The following PRKAR1A variants were observed in gnomAD, a reference collection of about 807,000 sequenced individuals.
PRKAR1A encodes the protein cAMP-dependent protein kinase type I-alpha regulatory subunit.
PRKAR1A carries 3 observed loss-of-function variants against 52.0 expected under a neutral mutation model. The ratio of observed to expected loss-of-function variants is 0.06; its 90% CI spans 0.03 to 0.15. The LOEUF (loss-of-function observed/expected upper bound fraction) is 0.15, where lower values mean the gene tolerates loss of function less well. Ranked by LOEUF, PRKAR1A falls within the 10% of genes least tolerant of loss-of-function variation. PRKAR1A has a pLI of 1.00. For missense variants in PRKAR1A, 240 were observed against 477.4 expected, an observed-to-expected ratio of 0.50 and a Z score of 4.63; for synonymous variants, 188 against 168.4, an observed-to-expected ratio of 1.12 and a Z score of -0.90.
the PRKAR1A span, chr17:68,426,252 G>GGGGGGGGGGGGGGA: frequency 1.2e-6 from 1 of 828,188 alleles, no homozygotes; most frequent in Non-Finnish European, 1.9e-6. Flanking sequence ...TGGGGAGCGG[G>GGGGGGGGGGGGGGA]GGCTCAAATA....
chr17:68,435,560 G>A, the PRKAR1A span: 4 of 1,532,330 alleles, frequency 2.6e-6, no homozygotes, highest in Non-Finnish European at 3.6e-6. Flanking sequence ...TCCCATCCCT[G>A]CGCACGGCAG....
intron 2 of PRKAR1A, chr17:68,515,909 T>A (rs1459054392): frequency 3.9e-6 from 1 of 254,506 alleles, no homozygotes; most frequent in African/African-American, 2.3e-5. Context: ...AATAAGAAAT[T>A]CTATAGTTCT....
chr17:68,537,716 G>A (rs749033941), downstream of PRKAR1A: 11 of 1,612,938 alleles, frequency 6.8e-6, no homozygotes, highest in South Asian at 1.1e-4. This position sits in a 1 kb window ranked among gnomAD's most constrained non-coding sequence, Gnocchi z 4.2. Context: ...AGCAGCTGCA[G>A]GTGCAAAAGT....
chr17:68,540,963 G>C, intron 11 of PRKAR1A: 1 of 1,578,342 alleles, frequency 6.3e-7, no homozygotes, highest in Non-Finnish European at 8.6e-7. Context: ...TCCCACCTGA[G>C]GGGGAGAAGA....
At chr17:68,525,559 A>G (rs1328654866) in intron 6 of PRKAR1A, among the ~76,000 whole-genome samples, 195 bp from the exon 7 acceptor site, 1 of 152,200 alleles carries the variant, frequency 6.6e-6, no homozygotes, top group African/African-American at 2.4e-5. Flanking sequence ...TAAATCAGGT[A>G]AATTATAGAC....
rs140168612 is a variant in PRKAR1A, at chr17:68,526,889, C to T, written c.709-951C>T. On this transcript the variant is annotated intron_variant, in intron 7 of 10. Coordinates refer to ENST00000589228, the MANE Select transcript of PRKAR1A (RefSeq NM_002734.5). ...TGTGACACCCAGTTTACCTATATAA[C>T]CTGCACATGTACCCCTGAACCTTAA... Among the ~76,000 whole-genome samples the T allele has an allele frequency of 2.4e-4, 36 of 152,254 alleles. 1 individual carries two copies. Among genetic ancestry groups the T allele is most frequent in the Middle Eastern group, 3.4e-3 (1 of 294 alleles).
At chr17:68,437,734 A>G in the PRKAR1A span, among the ~76,000 whole-genome samples, 8 of 152,080 alleles carry the variant, frequency 5.3e-5, no homozygotes, top group Admixed American at 2.6e-4. Flanking sequence ...CTTCAATAAT[A>G]TTCCGGAAGA....
the PRKAR1A span, among the ~76,000 whole-genome samples, chr17:68,498,577 C>T: frequency 6.6e-6 from 1 of 152,138 alleles, no homozygotes; most frequent in Non-Finnish European, 1.5e-5. Context: ...GGTGCTCCTG[C>T]CTTTGAGAAA....
chr17:68,517,542 C>T (rs1366278051), intron 2 of PRKAR1A, among the ~76,000 whole-genome samples: 2 of 152,128 alleles, frequency 1.3e-5, no homozygotes, highest in Non-Finnish European at 2.9e-5. Flanking sequence ...CTTATGAAAC[C>T]GTCAGCTATC....
the PRKAR1A span, chr17:68,426,236 G>A: frequency 3.3e-6 from 4 of 1,228,378 alleles, no homozygotes; most frequent in Non-Finnish European, 4.7e-6. Context: ...GCCATGACCT[G>A]GCGGGTGGGG....
At chr17:68,479,113 T>C in the PRKAR1A span, among the ~76,000 whole-genome samples, 7 of 152,234 alleles carry the variant, frequency 4.6e-5, no homozygotes, top group African/African-American at 1.7e-4. Context: ...CACATTCTCT[T>C]TTTGTCCAGT....
the PRKAR1A span, among the ~76,000 whole-genome samples, chr17:68,459,850 A>AT: frequency 0.25 from 36,753 of 147,226 alleles, 5,033 homozygotes; most frequent in Non-Finnish European, 0.32. Flanking sequence ...TCAGGTTTTA[A>AT]TTTTTTTTTT....
intron 1 of PRKAR1A, chr17:68,512,920 C>G (rs1312245139): frequency 1.3e-5 from 2 of 152,328 alleles, no homozygotes; most frequent in South Asian, 4.1e-4. Flanking sequence ...GACAACGGCT[C>G]TATTTTACTG....
chr17:68,525,754 G>A lies in PRKAR1A; in HGVS notation c.550G>A (p.Val184Ile), dbSNP rs773162575. ...FYVIDQGETD[V>I]YVNNEWATSV... ...TTTTTTGATGTCACTTGCACTTTAG[G>A]TCTATGTTAACAATGAATGGGCAAC... is the stretch of plus-strand genomic sequence containing the variant. Residue 184 changes from valine (V) to isoleucine (I), a missense_variant and splice_region_variant, in exon 7 of 11, where the codon GTC becomes ATC. Physicochemically the swap from Val to Ile is conservative, Grantham distance 29. Transcript: ENST00000589228. 1 of 1,613,722 alleles carries A rather than the reference G, an allele frequency of 6.2e-7. No homozygotes were observed. The highest frequency in any genetic ancestry group is 8.5e-7 in the Non-Finnish European group (1 of 1,179,824).
intron 11 of PRKAR1A, among the ~76,000 whole-genome samples, chr17:68,549,584 G>A (rs2143630087): frequency 6.6e-6 from 1 of 151,372 alleles, no homozygotes; most frequent in East Asian, 1.9e-4. Context: ...GATTTGTGGT[G>A]CGTTTGCAGA....
chr17:68,425,922 A>G, the PRKAR1A span: 2 of 652,688 alleles, frequency 3.1e-6, no homozygotes, highest in South Asian at 3.8e-5. Flanking sequence ...CACACAGTAC[A>G]ACAAATATCC....
the PRKAR1A span, among the ~76,000 whole-genome samples, chr17:68,450,399 T>C: frequency 6.6e-6 from 1 of 152,182 alleles, no homozygotes; most frequent in South Asian, 2.1e-4. Context: ...TGATTTAAGG[T>C]GCTCTTGCGG....
chr17:68,519,858 C>T (rs1413199235), intron 2 of PRKAR1A, among the ~76,000 whole-genome samples: 9 of 152,156 alleles, frequency 5.9e-5, no homozygotes, highest in Admixed American at 2.6e-4. Flanking sequence ...CATAAATACT[C>T]GTTATTTCAA....
chr17:68,426,252 G>GGGGGGGGGGGA, the PRKAR1A span: 2 of 828,188 alleles, frequency 2.4e-6, no homozygotes, highest in Non-Finnish European at 3.8e-6. Flanking sequence ...TGGGGAGCGG[G>GGGGGGGGGGGA]GGCTCAAATA....
Sources: allele counts gnomAD v4.1 joint callset (sites outside exome capture counted in the v4.1 genomes callset), GRCh38; gene constraint gnomAD v4.1.1; non-coding constraint Gnocchi (gnomAD v3.1); transcripts MANE v1.5; gene names NCBI Gene and HGNC (gene_info 2026-07-23, HGNC 2026-07-21).